ARHGAP32: variants seen among roughly 807,000 people sequenced by gnomAD.
The protein encoded by ARHGAP32 is Rho GTPase activating protein 32.
A neutral mutation model predicts 186.5 loss-of-function variants in ARHGAP32; 51 were observed. That is an observed-to-expected ratio of 0.27 (90% CI 0.22 to 0.35). The LOEUF is 0.35. ARHGAP32 is among the 10% of genes least tolerant of loss of function. The probability of loss-of-function intolerance (pLI) is 1.00; values close to 1 mark genes in which losing one functional copy is unlikely to be tolerated. For missense variants in ARHGAP32, 2,186 were observed against 2,623.5 expected (o/e 0.83, Z 3.64); for synonymous variants, 950 against 964.3 (o/e 0.99, Z 0.27).
At chr11:129,020,802 T>G (rs1432522630) in intron 11 of ARHGAP32, among the ~76,000 whole-genome samples, 1 of 152,012 alleles carries the variant, frequency 6.6e-6, no homozygotes, top group Non-Finnish European at 1.5e-5. Flanking sequence ...TTAGATAAAT[T>G]GAGTCTTGAA....
chr11:129,270,630 C>T (rs1945462091), intron 1 of ARHGAP32, among the ~76,000 whole-genome samples: 1 of 151,164 alleles, frequency 6.6e-6, no homozygotes. Context: ...ATGTGGGATG[C>T]TGATAATGGG....
chr11:129,123,640 T>A lies in ARHGAP32; in HGVS notation c.360-110A>T, dbSNP rs1410975724. 1.0e-6 allele frequency: 1 copy of A among 973,480 alleles called. No individual in the cohort carries two copies. The highest frequency in any genetic ancestry group is 1.6e-6 in the Non-Finnish European group (1 of 634,248). The allele number at this position is 973,480 out of a possible 1,614,324, so 60.3% of individuals were successfully genotyped here. ...AGCTCATGCAAGCAAAAATATTTCGTAAGCACATGCGCATGAGCCACACAT... is the reference window on the plus strand; with the variant it reads ...AGCTCATGCAAGCAAAAATATTTCGAAAGCACATGCGCATGAGCCACACAT... On this transcript the variant is annotated intron_variant, in intron 4 of 22. Coordinates refer to ENST00000682385, the MANE Select transcript of ARHGAP32 (RefSeq NM_001378024.1). This position sits in a 1 kb window ranked among gnomAD's most constrained non-coding sequence, Gnocchi z 4.6.
chr11:129,086,694 G>A lies in ARHGAP32; in HGVS notation c.531+6927C>T, dbSNP rs192814278. Among the ~76,000 whole-genome samples, 205 of 151,964 alleles carry A rather than the reference G, an allele frequency of 1.3e-3. 3 individuals carry two copies. The highest frequency in any genetic ancestry group is 5.2e-3 in the East Asian group (27 of 5,146). ...AAATTAGCCGGGCGTGGTGGTGGGC[G>A]CCTGTAGTCCCAGCTACTCAGAAGG... On this transcript the variant is annotated intron_variant, in intron 6 of 22. Transcript: ENST00000682385.
At chr11:129,174,006 T>A (rs1943836172) in intron 1 of ARHGAP32, among the ~76,000 whole-genome samples, 1 of 152,128 alleles carries the variant, frequency 6.6e-6, no homozygotes, top group African/African-American at 2.4e-5. Context: ...AGACGGGTGA[T>A]TTCTGCATTT....
intron 1 of ARHGAP32, among the ~76,000 whole-genome samples, chr11:129,199,363 C>T (rs1944431607): frequency 6.6e-6 from 1 of 152,264 alleles, no homozygotes; most frequent in Admixed American, 6.5e-5. Context: ...CTTCCCATCA[C>T]AGGCCCAGAG....
chr11:128,968,035 G>GT lies in ARHGAP32; in HGVS notation c.*871dup, dbSNP rs1945258875. 1 of 151,230 alleles carries GT rather than the reference G, an allele frequency of 6.6e-6. No homozygotes were observed. The highest frequency in any genetic ancestry group is 2.1e-4 in the South Asian group (1 of 4,772). The allele number at this position is 151,230 out of a possible 1,614,324, so 9.4% of individuals were successfully genotyped here. A position where few individuals can be genotyped will look rare whatever the true frequency, so the allele number is the denominator to read the frequency against. On this transcript the variant is annotated 3_prime_UTR_variant, in exon 23 of 23. Coordinates refer to ENST00000682385, the MANE Select transcript of ARHGAP32 (RefSeq NM_001378024.1). ...TCACCAAATCTTATTGAGGGGTGGG[G>GT]TAAGAAGAAAACCTGAAGGCAGGCA...
intron 1 of ARHGAP32, among the ~76,000 whole-genome samples, chr11:129,172,338 G>A (rs1453269722): frequency 6.6e-6 from 1 of 152,110 alleles, no homozygotes. Flanking sequence ...TTTGAAATAT[G>A]TTCCATCAAT....
Position 128,970,049 on chromosome 11 carries a change from C to T in ARHGAP32, c.5164G>A (p.Ala1722Thr), listed in dbSNP as rs775216468. 11 of 1,614,112 alleles carry T rather than the reference C, an allele frequency of 6.8e-6. No individual in the cohort carries two copies. The highest frequency in any genetic ancestry group is 9.3e-6 in the Non-Finnish European group (11 of 1,180,036). Residue 1722 changes from alanine (A) to threonine (T), a missense_variant, in exon 23 of 23, where the codon GCT (alanine) becomes ACT (threonine). Ala to Thr is a moderately conservative substitution (Grantham distance 58, BLOSUM62 0). Coordinates refer to ENST00000682385, the MANE Select transcript of ARHGAP32 (RefSeq NM_001378024.1). The surrounding 1 kb of genome is among the most constrained non-coding windows in gnomAD (Gnocchi z 5.8). ...GTCACGTTGGCCCGGGGACGTGGAGCCAAACCAGCATAACTGTACAAGCTC... is the reference window on the plus strand; with the variant it reads ...GTCACGTTGGCCCGGGGACGTGGAGTCAAACCAGCATAACTGTACAAGCTC... ...GKSLYSYAGLAPRPRANVTGY... is the reference protein window; with the variant it reads ...GKSLYSYAGLTPRPRANVTGY...
At chr11:129,056,347 C>T (rs374233861) in intron 10 of ARHGAP32, among the ~76,000 whole-genome samples, 3 of 152,246 alleles carry the variant, frequency 2.0e-5, no homozygotes, top group East Asian at 1.9e-4. Flanking sequence ...GCCAGGCTCA[C>T]GTGGTCCTCC....
At chr11:129,130,186 G>A (rs948963052) in intron 2 of ARHGAP32, among the ~76,000 whole-genome samples, 4 of 152,020 alleles carry the variant, frequency 2.6e-5, no homozygotes, top group Non-Finnish European at 5.9e-5. Flanking sequence ...AGGCCCACAC[G>A]TATACGATAA....
intron 5 of ARHGAP32, among the ~76,000 whole-genome samples, chr11:129,098,075 A>C (rs968730823): frequency 5.3e-5 from 8 of 152,234 alleles, no homozygotes; most frequent in African/African-American, 1.9e-4. Context: ...ACTGTCCTTA[A>C]AAAGTAAGGG....
intron 1 of ARHGAP32, among the ~76,000 whole-genome samples, chr11:129,205,706 G>A (rs1314399523): frequency 6.6e-6 from 1 of 152,068 alleles, no homozygotes; most frequent in African/African-American, 2.4e-5. Flanking sequence ...AAAGTACTTG[G>A]TGAATCTAGG....
At chr11:129,275,137 C>T (rs1024472464) in intron 1 of ARHGAP32, among the ~76,000 whole-genome samples, 1 of 152,154 alleles carries the variant, frequency 6.6e-6, no homozygotes, top group Non-Finnish European at 1.5e-5. Flanking sequence ...AACTAAGTTT[C>T]AGCAAAGGAG....
rs114389448 is a variant in ARHGAP32, at chr11:129,211,257, A to G, written c.-4-46830T>C. ...GTGATCTGGATATAATGCTGTATAGATTTTGAGTGATTTGTGCAACTCCAT... is the reference window on the plus strand; with the variant it reads ...GTGATCTGGATATAATGCTGTATAGGTTTTGAGTGATTTGTGCAACTCCAT... On this transcript the variant is annotated intron_variant, in intron 1 of 6. Transcript: ENST00000525234. Among the ~76,000 whole-genome samples the G allele has an allele frequency of 5.0e-3, 765 of 152,262 alleles. 8 individuals are homozygous for G. Among genetic ancestry groups the G allele is most frequent in the African/African-American group, 0.018 (730 of 41,556 alleles).
intron 1 of ARHGAP32, among the ~76,000 whole-genome samples, chr11:129,261,625 C>T (rs1945321626): frequency 6.6e-6 from 1 of 152,112 alleles, no homozygotes; most frequent in Non-Finnish European, 1.5e-5. Context: ...TTTTTGTTTC[C>T]ACCTCTCTTC....
intron 2 of ARHGAP32, among the ~76,000 whole-genome samples, chr11:129,141,807 A>C (rs1360446573): frequency 6.6e-6 from 1 of 150,434 alleles, no homozygotes; most frequent in East Asian, 1.9e-4. Context: ...TTTTCTTTTC[A>C]CTTTTCTGTA....
chr11:129,002,153 G>A (rs908770715), intron 11 of ARHGAP32, among the ~76,000 whole-genome samples: 2 of 152,010 alleles, frequency 1.3e-5, no homozygotes, highest in African/African-American at 4.8e-5. Context: ...TATTTTGATA[G>A]GAATTGCACT....
chr11:129,001,335 T>C (rs557197188), intron 11 of ARHGAP32, among the ~76,000 whole-genome samples: 46 of 152,334 alleles, frequency 3.0e-4, no homozygotes, highest in African/African-American at 1.1e-3. Flanking sequence ...TAACATCTCA[T>C]TGTAGTTTTA....
intron 1 of ARHGAP32, among the ~76,000 whole-genome samples, chr11:129,185,732 G>A (rs1158763255): frequency 6.6e-6 from 1 of 152,080 alleles, no homozygotes; most frequent in African/African-American, 2.4e-5. Flanking sequence ...AGAGAAGGAG[G>A]AAGTTAAAGT....
Sources: gnomAD v4.1 joint callset for allele counts (sites outside exome capture counted in the v4.1 genomes callset) on GRCh38, gnomAD v4.1.1 for gene constraint, Gnocchi (gnomAD v3.1) non-coding constraint, MANE v1.5 for transcripts, NCBI Gene and HGNC (gene_info 2026-07-23, HGNC 2026-07-21) for gene names.